Variants in HSD11B1L observed in about 807,000 individuals in gnomAD.
HSD11B1L encodes hydroxysteroid 11-beta dehydrogenase 1 like, also known as hydroxysteroid 11-beta-dehydrogenase 1-like protein.
Under a neutral mutation model 27.0 loss-of-function variants are expected in HSD11B1L, and 22 were observed. The observed-to-expected ratio is 0.81, with a 90% CI of 0.58 to 1.16. The LOEUF (loss-of-function observed/expected upper bound fraction) is 1.16, where lower values mean the gene tolerates loss of function less well. HSD11B1L is among the 50% of genes most tolerant of loss of function. The pLI is 0.00. For missense variants in HSD11B1L, 372 were observed against 401.8 expected, an observed-to-expected ratio of 0.93 and a Z score of 0.63; for synonymous variants, 187 against 189.2, an observed-to-expected ratio of 0.99 and a Z score of 0.09.
At chr19:5,683,906 A>C (rs1424683128) in intron 1 of HSD11B1L, 2 of 294,028 alleles carry the variant, frequency 6.8e-6, no homozygotes, top group Non-Finnish European at 1.2e-5. Context: ...AAATAAAAAA[A>C]AATAAAAATA....
chr19:5,687,975 C>T lies in HSD11B1L; in HGVS notation c.*30C>T, dbSNP rs1470813497. The T allele has an allele frequency of 2.6e-6, 4 of 1,553,400 alleles. No homozygotes were observed. The highest frequency in any genetic ancestry group is 1.4e-5 in the African/African-American group (1 of 73,128). ...CGGGGGGTGCCCCTCCAGTCCCAGA[C>T]GGCAATGTTCCTCCCTCCAACTGTC... is the stretch of plus-strand genomic sequence containing the variant. On this transcript the variant is annotated 3_prime_UTR_variant, in exon 8 of 8. Transcript: ENST00000339423. This position sits in a 1 kb window ranked among gnomAD's most constrained non-coding sequence, Gnocchi z 6.6.
Position 5,685,129 on chromosome 19 carries a change from CCCATGT to C in HSD11B1L, c.204+12_204+17del, listed in dbSNP as rs1471738077. On this transcript the variant is annotated intron_variant, in intron 3 of 7. Coordinates refer to ENST00000339423, the MANE Select transcript of HSD11B1L (RefSeq NM_198706.3). This position sits in a 1 kb window ranked among gnomAD's most constrained non-coding sequence, Gnocchi z 4.3. ...GGCTCTCCTGCAGAAGGTGAGCCAC[CCCATGT>C]CTAGATGAATGGTGGGGGTGCTCAT... The C allele has an allele frequency of 1.3e-6, 2 of 1,544,690 alleles. No homozygotes were observed. Among genetic ancestry groups the C allele is most frequent in the East Asian group, 4.9e-5 (2 of 40,922 alleles).
At chr19:5,686,364 G>C in intron 3 of HSD11B1L, 52 bp from the exon 4 acceptor site, 1 of 1,264,820 alleles carries the variant, frequency 7.9e-7, no homozygotes, top group Non-Finnish European at 1.1e-6. Flanking sequence ...GCGGTGGAGG[G>C]GGAAGCGCTG....
In HSD11B1L at chr19:5,687,703, G is replaced by A. The variant is rs1159710139; in HGVS notation, c.668+35G>A. The A allele has an allele frequency of 3.3e-6, 5 of 1,533,318 alleles. No homozygotes were observed. Among genetic ancestry groups the A allele is most frequent in the Middle Eastern group, 2.0e-4 (1 of 4,982 alleles). The allele number at this position is 1,533,318 out of a possible 1,614,324, so 95.0% of individuals were successfully genotyped here. A position where few individuals can be genotyped will look rare whatever the true frequency, so the allele number is the denominator to read the frequency against. On this transcript the variant is annotated intron_variant, in intron 7 of 7. Transcript: ENST00000339423. The surrounding 1 kb of genome is among the most constrained non-coding windows in gnomAD (Gnocchi z 6.6). ...GGACAAGCTGGGGGCTGGGCTGGGG[G>A]CCATGGCCCAGCCCCAGCCGCAGTC...
rs2054708414 is a variant in HSD11B1L, at chr19:5,686,903, G to T, written c.320G>T (p.Gly107Val). 2 of 1,547,674 alleles carry T rather than the reference G, an allele frequency of 1.3e-6. No homozygotes were observed. The highest frequency in any genetic ancestry group is 1.7e-6 in the Non-Finnish European group (2 of 1,146,262). Residue 107 changes from glycine (G) to valine (V), a missense_variant, in exon 5 of 8, where the codon GGG (glycine) becomes GTG (valine). Transcript: ENST00000339423. ...CTGACCGGCGTTTCTGGGCCAGGCG[G>T]GCTGGACTACCTCGTGCTGAACCAC... ...VVQFALDKLGGLDYLVLNHIG... is the reference protein window; with the variant it reads ...VVQFALDKLGVLDYLVLNHIG...
intron 2 of HSD11B1L, 41 bp downstream of exon 2, chr19:5,684,946 T>C: frequency 1.9e-6 from 3 of 1,612,676 alleles, no homozygotes; most frequent in South Asian, 2.2e-5. Flanking sequence ...CCGGGCCAGC[T>C]GTCCTGTCCT....
intron 4 of HSD11B1L, 96 bp downstream of exon 4, chr19:5,686,623 G>C: frequency 1.0e-6 from 1 of 959,582 alleles, no homozygotes; most frequent in South Asian, 1.6e-5. Context: ...ACAGTAACAG[G>C]TGTCTCAGGG....
chr19:5,686,373 T>C, intron 3 of HSD11B1L, 43 bp from the exon 4 acceptor site: 1 of 1,347,800 alleles, frequency 7.4e-7, no homozygotes, highest in Non-Finnish European at 1.0e-6. Flanking sequence ...GGGGAAGCGC[T>C]GCTGTAGAGG....
Position 5,684,913 on chromosome 19 carries a change from C to G in HSD11B1L, c.73+8C>G. On this transcript the variant is annotated splice_region_variant and intron_variant, in intron 2 of 7. Coordinates refer to ENST00000339423, the MANE Select transcript of HSD11B1L (RefSeq NM_198706.3). ...ATGACAACTTCGACCCAGGTGAGCA[C>G]CTGGGGTTGAGGGAGGGAGAAACCG... 6.2e-7 allele frequency: 1 copy of G among 1,613,464 alleles called. No homozygotes were observed. Among genetic ancestry groups the G allele is most frequent in the Non-Finnish European group, 8.5e-7 (1 of 1,179,804 alleles).
chr19:5,684,426 A>G, intron 1 of HSD11B1L: 2 of 377,856 alleles, frequency 5.3e-6, no homozygotes, highest in South Asian at 6.5e-5. Flanking sequence ...GAAGGCCCTG[A>G]GGCAGGATAG....
At chr19:5,682,560 G>A (rs546479580) in intron 1 of HSD11B1L, among the ~76,000 whole-genome samples, 21 of 152,258 alleles carry the variant, frequency 1.4e-4, no homozygotes, top group Non-Finnish European at 2.2e-4. Flanking sequence ...ACAGGGGATA[G>A]TGGGGCTATT....
chr19:5,686,125 A>G (rs993679517), intron 3 of HSD11B1L, among the ~76,000 whole-genome samples: 1 of 152,172 alleles, frequency 6.6e-6, no homozygotes, highest in Non-Finnish European at 1.5e-5. Flanking sequence ...CTTGGGCACA[A>G]ACCTTTCAAT....
Position 5,685,311 on chromosome 19 carries a change from C to A in HSD11B1L, c.204+192C>A. The A allele has an allele frequency of 1.3e-6, 1 of 784,532 alleles. No individual in the cohort carries two copies. Among genetic ancestry groups the A allele is most frequent in the Non-Finnish European group, 2.2e-6 (1 of 463,042 alleles). 48.6% of individuals were successfully genotyped at this position (784,532 alleles called of 1,614,324 possible). A position where few individuals can be genotyped will look rare whatever the true frequency, so the allele number is the denominator to read the frequency against. On this transcript the variant is annotated intron_variant, in intron 3 of 7. Transcript: ENST00000339423. This position sits in a 1 kb window ranked among gnomAD's most constrained non-coding sequence, Gnocchi z 4.3. The stretch of plus-strand genomic sequence containing the variant: ...ACCACTTTCTGGCCAGGCACGGTGG[C>A]TCACGCTTGTAGTCAGCACTTTGGG...
rs2145559834 is a variant in HSD11B1L at position 5,687,359 on chromosome 19, G to A, written c.486G>A (p.Val162=). The A allele has an allele frequency of 1.2e-6, 2 of 1,612,418 alleles. No individual in the cohort carries two copies. The highest frequency in any genetic ancestry group is 2.2e-5 in the South Asian group (2 of 91,048). The stretch of plus-strand genomic sequence containing the variant: ...CGGACAGCAAGGGCTCCCTGGTGGT[G>A]GTGTCCTCGCTGCTCGGTGCGTGCA... ...SLTDSKGSLV[V]VSSLLGRVPT... The change falls in exon 6 of 8, where the codon GTG becomes GTA. Residue 162 remains valine (V), a synonymous_variant. Coordinates refer to ENST00000339423, the MANE Select transcript of HSD11B1L (RefSeq NM_198706.3). This position sits in a 1 kb window ranked among gnomAD's most constrained non-coding sequence, Gnocchi z 6.6.
In HSD11B1L at chr19:5,687,982, G is replaced by T; in HGVS notation, c.*37G>T. 1 of 1,552,574 alleles carries T rather than the reference G, an allele frequency of 6.4e-7. No homozygotes were observed. The highest frequency in any genetic ancestry group is 8.7e-7 in the Non-Finnish European group (1 of 1,147,506). On this transcript the variant is annotated 3_prime_UTR_variant, in exon 8 of 8. Coordinates refer to ENST00000339423, the MANE Select transcript of HSD11B1L (RefSeq NM_198706.3). The surrounding 1 kb of genome is among the most constrained non-coding windows in gnomAD (Gnocchi z 6.6). ...TGCCCCTCCAGTCCCAGACGGCAAT[G>T]TTCCTCCCTCCAACTGTCCCTGGAG... is the stretch of plus-strand genomic sequence containing the variant.
chr19:5,687,748 C>T lies in HSD11B1L; in HGVS notation c.669-5C>T, dbSNP rs1486096408. On this transcript the variant is annotated splice_polypyrimidine_tract_variant and splice_region_variant and intron_variant, in intron 7 of 7. Coordinates refer to ENST00000339423, the MANE Select transcript of HSD11B1L (RefSeq NM_198706.3). The surrounding 1 kb of genome is among the most constrained non-coding windows in gnomAD (Gnocchi z 6.6). The stretch of plus-strand genomic sequence containing the variant: ...GCAGTCCCCACCGTGCCCTCCTGTC[C>T]CCAGGGGAGTCACGAGGGTCAAGGC... 3 of 1,486,768 alleles carry T rather than the reference C, an allele frequency of 2.0e-6. No individual in the cohort carries two copies. The highest frequency in any genetic ancestry group is 2.7e-6 in the Non-Finnish European group (3 of 1,124,362). 92.1% of individuals were successfully genotyped at this position (1,486,768 alleles called of 1,614,324 possible).
chr19:5,687,148 A>T lies in HSD11B1L; in HGVS notation c.409-134A>T. The T allele has an allele frequency of 8.7e-7, 1 of 1,155,818 alleles. No homozygotes were observed. The highest frequency in any genetic ancestry group is 1.2e-6 in the Non-Finnish European group (1 of 816,868). The allele number at this position is 1,155,818 out of a possible 1,614,324, so 71.6% of individuals were successfully genotyped here. A position where few individuals can be genotyped will look rare whatever the true frequency, so the allele number is the denominator to read the frequency against. On this transcript the variant is annotated intron_variant, in intron 5 of 7. Coordinates refer to ENST00000339423, the MANE Select transcript of HSD11B1L (RefSeq NM_198706.3). This position sits in a 1 kb window ranked among gnomAD's most constrained non-coding sequence, Gnocchi z 6.6. ...AGCCCAAGCCCCTGCTCCGGCCTTG[A>T]CCCCGCCCTCGGACCCGCCTTCCGG...
At chr19:5,684,462 G>A (rs922296452) in intron 1 of HSD11B1L, 20 of 417,252 alleles carry the variant, frequency 4.8e-5, no homozygotes, top group African/African-American at 2.0e-4. Flanking sequence ...AAGGAACAGC[G>A]AAGGGTCTGT....
Position 5,687,946 on chromosome 19 carries a change from G to T in HSD11B1L, c.*1G>T, listed in dbSNP as rs1354564384. The T allele has an allele frequency of 1.3e-6, 2 of 1,559,598 alleles. No homozygotes were observed. Among genetic ancestry groups the T allele is most frequent in the East Asian group, 2.4e-5 (1 of 41,402 alleles). On this transcript the variant is annotated 3_prime_UTR_variant, in exon 8 of 8. Transcript: ENST00000339423. This position sits in a 1 kb window ranked among gnomAD's most constrained non-coding sequence, Gnocchi z 6.6. Reference sequence around the variant, plus strand: ...CAACGTCACGGCCGCGGCAGCCTGAGCACCGGGGGGTGCCCCTCCAGTCCC... The same window carrying T: ...CAACGTCACGGCCGCGGCAGCCTGATCACCGGGGGGTGCCCCTCCAGTCCC...
Sources: gnomAD v4.1 joint callset for allele counts (sites outside exome capture counted in the v4.1 genomes callset) on GRCh38, gnomAD v4.1.1 for gene constraint, Gnocchi (gnomAD v3.1) non-coding constraint, MANE v1.5 for transcripts, NCBI Gene and HGNC (gene_info 2026-07-23, HGNC 2026-07-21) for gene names.